Variants in FNIP1 observed in about 807,000 individuals in gnomAD.
FNIP1 encodes folliculin interacting protein 1.
In FNIP1, 40 loss-of-function variants were observed where a neutral mutation model predicts 124.5. The ratio of observed to expected loss-of-function variants is 0.32; its 90% CI spans 0.25 to 0.42. The LOEUF is 0.42. Among genes scored for constraint, FNIP1 ranks in the 10% least tolerant of loss-of-function variants. FNIP1 has a pLI of 1.00. For missense variants in FNIP1, 1,176 were observed against 1,403.7 expected (o/e 0.84, Z 2.59); for synonymous variants, 472 against 470.6 (o/e 1.00, Z -0.04).
Position 131,647,129 on chromosome 5 carries a change from T to C in FNIP1, c.3383A>G (p.Gln1128Arg), listed in dbSNP as rs755622209. 1.2e-6 allele frequency: 2 copies of C among 1,614,182 alleles called. No individual in the cohort carries two copies. The highest frequency in any genetic ancestry group is 1.7e-6 in the Non-Finnish European group (2 of 1,180,008). The change falls in exon 17 of 18, where the codon CAG (glutamine) becomes CGG (arginine). Residue 1128 changes from glutamine to arginine, a missense_variant. Around this residue, in one of 2 missense-constraint regions of FNIP1, gnomAD observed 67 missense variants for 115.2 expected, o/e 0.58. Coordinates refer to ENST00000510461, the MANE Select transcript of FNIP1 (RefSeq NM_133372.3). ...CAGCTCCTTGACATGAACACGCATC[T>C]GCCCCCTCAGGTATTCAGACAGCAT... is the stretch of plus-strand genomic sequence containing the variant. ...SKMLSEYLRG[Q>R]MRVHVKELGV...
intron 15 of FNIP1, among the ~76,000 whole-genome samples, chr5:131,654,541 C>T (rs574579852): frequency 3.9e-5 from 6 of 152,194 alleles, no homozygotes; most frequent in Non-Finnish European, 7.4e-5. Context: ...ACAAAGACAA[C>T]AGAACTCATA....
At chr5:131,783,561 C>T (rs1332916594) in intron 1 of FNIP1, among the ~76,000 whole-genome samples, 2 of 151,786 alleles carry the variant, frequency 1.3e-5, no homozygotes, top group Non-Finnish European at 2.9e-5. Context: ...TAAGAAAATT[C>T]CTTAGAACTA....
intron 1 of FNIP1, among the ~76,000 whole-genome samples, chr5:131,769,920 G>A (rs1209141295): frequency 2.6e-5 from 4 of 152,190 alleles, no homozygotes; most frequent in Non-Finnish European, 5.9e-5. Context: ...GTGCAGACCA[G>A]AAATGCCAAT....
chr5:131,651,217 C>A (rs944646643), intron 16 of FNIP1, among the ~76,000 whole-genome samples: 1 of 152,018 alleles, frequency 6.6e-6, no homozygotes, highest in Admixed American at 6.6e-5. Context: ...GGGCAAAATG[C>A]CATCTCTACT....
In FNIP1 at chr5:131,644,743, G is replaced by A; in HGVS notation, c.3443C>T (p.Pro1148Leu). The A allele has an allele frequency of 6.2e-7, 1 of 1,613,888 alleles. No homozygotes were observed. The highest frequency in any genetic ancestry group is 8.5e-7 in the Non-Finnish European group (1 of 1,179,900). ...AGTGCTTGCTACAGCAGCCAGAAGT[G>A]GAAGATCACTGGATTCAATCCTGAA... is the stretch of plus-strand genomic sequence containing the variant. ...VVLGIESSDL[P>L]LLAAVASTHS... Residue 1148 changes from proline (P) to leucine (L), a missense_variant, in exon 18 of 18, where the codon CCA (proline) becomes CTA (leucine). Physicochemically the swap from Pro to Leu is moderately conservative, Grantham distance 98. This residue lies in a region of FNIP1 where 67 missense variants were observed against 115.2 expected (regional missense o/e 0.58). Coordinates refer to ENST00000510461, the MANE Select transcript of FNIP1 (RefSeq NM_133372.3).
intron 2 of FNIP1, among the ~76,000 whole-genome samples, chr5:131,743,927 T>A (rs1317811673): frequency 6.6e-6 from 1 of 152,064 alleles, no homozygotes; most frequent in African/African-American, 2.4e-5. Context: ...TTAGCAGCTT[T>A]GTGAATGTTT....
chr5:131,687,524 G>A (rs1033564564), intron 11 of FNIP1, among the ~76,000 whole-genome samples: 1 of 152,192 alleles, frequency 6.6e-6, no homozygotes, highest in Non-Finnish European at 1.5e-5. Flanking sequence ...CCTGCAAAGA[G>A]CTTGGAAGTC....
At chr5:131,746,476 T>G (rs550288077) in intron 1 of FNIP1, among the ~76,000 whole-genome samples, 6 of 152,284 alleles carry the variant, frequency 3.9e-5, no homozygotes, top group Admixed American at 6.5e-5. Flanking sequence ...CATCCTTATG[T>G]CCATGAGTAT....
intron 1 of FNIP1, among the ~76,000 whole-genome samples, chr5:131,762,296 CA>C (rs1771258428): frequency 6.6e-6 from 1 of 152,092 alleles, no homozygotes; most frequent in Non-Finnish European, 1.5e-5. Context: ...AAACAATCAA[CA>C]AAGTGAAGAG....
intron 1 of FNIP1, among the ~76,000 whole-genome samples, chr5:131,790,566 G>A (rs937733894): frequency 3.3e-5 from 5 of 149,990 alleles, no homozygotes; most frequent in Admixed American, 6.7e-5. Context: ...AACCCCTTAC[G>A]TGAATTTACA....
intron 13 of FNIP1, among the ~76,000 whole-genome samples, chr5:131,677,182 G>C (rs1434633067): frequency 1.3e-5 from 2 of 152,142 alleles, no homozygotes; most frequent in Non-Finnish European, 2.9e-5. Flanking sequence ...TGTGTCTTTA[G>C]CACCCTGGTA....
chr5:131,655,626 T>C (rs915944944), intron 15 of FNIP1, among the ~76,000 whole-genome samples: 1 of 152,156 alleles, frequency 6.6e-6, no homozygotes, highest in Non-Finnish European at 1.5e-5. Flanking sequence ...TCAAACACCC[T>C]GCCAACTTAA....
chr5:131,658,136 C>T (rs1041408863), intron 15 of FNIP1, among the ~76,000 whole-genome samples: 18 of 151,652 alleles, frequency 1.2e-4, no homozygotes, highest in Non-Finnish European at 2.2e-4. Context: ...TCGATAGAGA[C>T]GAGTGCTTCC....
intron 15 of FNIP1, among the ~76,000 whole-genome samples, chr5:131,653,956 G>A (rs886485823): frequency 2.0e-5 from 3 of 152,168 alleles, no homozygotes; most frequent in South Asian, 2.1e-4. Context: ...AGGTCAGGCT[G>A]GTCTCGAACT....
intron 15 of FNIP1, among the ~76,000 whole-genome samples, chr5:131,662,627 C>G (rs1306343591): frequency 6.6e-6 from 1 of 151,944 alleles, no homozygotes; most frequent in Admixed American, 6.6e-5. Context: ...TGGTTTAATA[C>G]TTGTGGAACT....
chr5:131,773,814 G>A (rs964488067), intron 1 of FNIP1, among the ~76,000 whole-genome samples: 3 of 152,026 alleles, frequency 2.0e-5, no homozygotes, highest in African/African-American at 7.2e-5. Flanking sequence ...ATAAGAAGAG[G>A]TTTGTGTATA....
intron 1 of FNIP1, among the ~76,000 whole-genome samples, chr5:131,760,609 G>T (rs145831095): frequency 3.9e-4 from 60 of 152,088 alleles, no homozygotes; most frequent in Non-Finnish European, 7.2e-4. Flanking sequence ...CATGAATTGG[G>T]TAATTATCTG....
intron 15 of FNIP1, among the ~76,000 whole-genome samples, chr5:131,653,207 CT>C (rs1322499459): frequency 6.6e-6 from 1 of 151,898 alleles, no homozygotes; most frequent in Non-Finnish European, 1.5e-5. Flanking sequence ...TCAAAATATA[CT>C]AACAGGGTTC....
At chr5:131,758,820 A>G (rs1007833635) in intron 1 of FNIP1, among the ~76,000 whole-genome samples, 4 of 152,098 alleles carry the variant, frequency 2.6e-5, no homozygotes, top group African/African-American at 9.7e-5. Flanking sequence ...AATAGGACTA[A>G]GCCATGCATT....
Sources: allele counts gnomAD v4.1 joint callset (sites outside exome capture counted in the v4.1 genomes callset), GRCh38; gene constraint gnomAD v4.1.1; regional missense constraint gnomAD v4.1.1; transcripts MANE v1.5; gene names NCBI Gene and HGNC (gene_info 2026-07-23, HGNC 2026-07-21).